HCN1: variants seen among roughly 807,000 people sequenced by gnomAD.
The protein encoded by HCN1 is hyperpolarization activated cyclic nucleotide gated potassium channel 1, also known as potassium/sodium hyperpolarization-activated cyclic nucleotide-gated channel 1.
Under a neutral mutation model 78.9 loss-of-function variants are expected in HCN1, and 13 were observed. The ratio of observed to expected loss-of-function variants is 0.16; its 90% CI spans 0.11 to 0.26. HCN1 has a LOEUF of 0.26. Ranked by LOEUF, HCN1 falls within the 10% of genes least tolerant of loss-of-function variation. The pLI is 1.00. For missense variants in HCN1, 810 were observed against 1,154.3 expected, an observed-to-expected ratio of 0.70 and a Z score of 4.32; for synonymous variants, 552 against 455.5, an observed-to-expected ratio of 1.21 and a Z score of -2.70.
intron 4 of HCN1, among the ~76,000 whole-genome samples, chr5:45,355,282 T>C (rs1215892453): frequency 6.6e-6 from 1 of 152,062 alleles, no homozygotes. Flanking sequence ...ATAGTAACTA[T>C]TGATCTAGCA....
rs149800145 is a variant in HCN1, at chr5:45,510,630, G to A, written c.850-48623C>T. On this transcript the variant is annotated intron_variant, in intron 2 of 7. Transcript: ENST00000303230. ...GAAGAGAAAATTTTACTCCTCTCTC[G>A]TTTAAGTTTTGGCATCCCAGCCCTG... 2.6e-4 allele frequency among the ~76,000 whole-genome samples: 40 copies of A among 152,130 alleles called. No homozygotes were observed. In the East Asian group the frequency reaches 4.4e-3, roughly 17 times the overall value.
At chr5:45,335,729 T>C (rs920725338) in intron 5 of HCN1, among the ~76,000 whole-genome samples, 3 of 152,148 alleles carry the variant, frequency 2.0e-5, no homozygotes, top group African/African-American at 7.2e-5. Context: ...GTACTTACTA[T>C]GTGCCAGGCA....
chr5:45,438,261 A>G (rs1740599399), intron 3 of HCN1, among the ~76,000 whole-genome samples: 1 of 152,166 alleles, frequency 6.6e-6, no homozygotes, highest in East Asian at 1.9e-4. Flanking sequence ...CTGATAGAAG[A>G]TTGAAAGTAG....
intron 6 of HCN1, among the ~76,000 whole-genome samples, chr5:45,291,574 G>T (rs1745376970): frequency 6.6e-6 from 1 of 151,790 alleles, no homozygotes; most frequent in Admixed American, 6.6e-5. Flanking sequence ...AGACAGAGTT[G>T]CACTCTGTTG....
In HCN1 at chr5:45,491,470, C is replaced by T. The variant is rs79498246; in HGVS notation, c.850-29463G>A. On this transcript the variant is annotated intron_variant, in intron 2 of 7. Transcript: ENST00000303230. ...GTAGGGGCCTTTAACTTACCTTGTGCGCTCAAGTATTCACACTGTCCAAAC... is the reference window on the plus strand; with the variant it reads ...GTAGGGGCCTTTAACTTACCTTGTGTGCTCAAGTATTCACACTGTCCAAAC... Among the ~76,000 whole-genome samples, 362 of 152,130 alleles carry T rather than the reference C, an allele frequency of 2.4e-3. 1 individual carries two copies. In the East Asian group the frequency reaches 0.027, roughly 11 times the overall value.
intron 2 of HCN1, among the ~76,000 whole-genome samples, chr5:45,526,130 T>C (rs915071905): frequency 1.3e-5 from 2 of 152,048 alleles, no homozygotes; most frequent in Non-Finnish European, 2.9e-5. Flanking sequence ...AGCCACCCAC[T>C]GTGTGGTAAT....
intron 2 of HCN1, chr5:45,558,166 A>G (rs912337199): frequency 2.0e-5 from 3 of 151,732 alleles, no homozygotes; most frequent in Non-Finnish European, 4.4e-5. Flanking sequence ...GAGAGAGAGA[A>G]ACAGTCATAT....
chr5:45,590,921 G>A (rs915461327), intron 2 of HCN1, among the ~76,000 whole-genome samples: 1 of 152,022 alleles, frequency 6.6e-6, no homozygotes, highest in Admixed American at 6.6e-5. Flanking sequence ...AGCCCCAAAC[G>A]CCTGGGCTCA....
At chr5:45,577,810 C>T (rs1167779011) in intron 2 of HCN1, among the ~76,000 whole-genome samples, 1 of 151,410 alleles carries the variant, frequency 6.6e-6, no homozygotes, top group African/African-American at 2.4e-5. Context: ...AAATACGAAG[C>T]AATGCATCTG....
intron 5 of HCN1, among the ~76,000 whole-genome samples, chr5:45,352,508 A>G (rs1447347172): frequency 6.6e-6 from 1 of 152,158 alleles, no homozygotes; most frequent in Admixed American, 6.5e-5. Flanking sequence ...CATGTACCCT[A>G]AAACTTAAAG....
chr5:45,529,977 C>T (rs1459317105), intron 2 of HCN1, among the ~76,000 whole-genome samples: 1 of 152,038 alleles, frequency 6.6e-6, no homozygotes, highest in African/African-American at 2.4e-5. Context: ...ATGTAACATG[C>T]TTCTGGATTT....
chr5:45,348,201 G>A (rs1439877665), intron 5 of HCN1, among the ~76,000 whole-genome samples: 1 of 152,140 alleles, frequency 6.6e-6, no homozygotes, highest in Non-Finnish European at 1.5e-5. Flanking sequence ...AGAGAGTGGG[G>A]GGCCAGTATT....
At chr5:45,635,410 T>C (rs1745338498) in intron 2 of HCN1, among the ~76,000 whole-genome samples, 1 of 152,060 alleles carries the variant, frequency 6.6e-6, no homozygotes, top group African/African-American at 2.4e-5. Flanking sequence ...ACAATCTCAA[T>C]GGGAAACCCT....
intron 2 of HCN1, among the ~76,000 whole-genome samples, chr5:45,554,202 G>A (rs1314492036): frequency 6.6e-6 from 1 of 151,836 alleles, no homozygotes; most frequent in Non-Finnish European, 1.5e-5. Context: ...TAGGCCCATT[G>A]AAATAATGAT....
intron 2 of HCN1, among the ~76,000 whole-genome samples, chr5:45,496,496 C>A (rs1742034984): frequency 6.6e-6 from 1 of 152,136 alleles, no homozygotes. Context: ...TCCATCTGGT[C>A]CTGGACTCTT....
chr5:45,273,493 G>A (rs1249457668), intron 6 of HCN1, among the ~76,000 whole-genome samples: 1 of 152,062 alleles, frequency 6.6e-6, no homozygotes. Flanking sequence ...CAAACGTTTT[G>A]CAACTCAGAA....
chr5:45,517,509 C>T (rs1258732082), intron 2 of HCN1, among the ~76,000 whole-genome samples: 1 of 124,754 alleles, frequency 8.0e-6, no homozygotes, highest in Non-Finnish European at 1.6e-5. Context: ...ATTGTATTCC[C>T]AATTTCCCCT....
intron 2 of HCN1, among the ~76,000 whole-genome samples, chr5:45,492,468 T>C (rs574003015): frequency 6.8e-6 from 1 of 146,170 alleles, no homozygotes; most frequent in African/African-American, 2.5e-5. Flanking sequence ...CTCGTCAAAG[T>C]TCTTTGCTAA....
chr5:45,617,324 T>G (rs1005707193), intron 2 of HCN1: 1 of 152,086 alleles, frequency 6.6e-6, no homozygotes, highest in Admixed American at 6.6e-5. Context: ...TTAATCATGT[T>G]CATTTAAAGT....
Sources: gnomAD v4.1 joint callset for allele counts (sites outside exome capture counted in the v4.1 genomes callset) on GRCh38, gnomAD v4.1.1 for gene constraint, MANE v1.5 for transcripts, NCBI Gene and HGNC (gene_info 2026-07-23, HGNC 2026-07-21) for gene names.